The following HERPUD2 variants were observed in gnomAD, a reference collection of about 807,000 sequenced individuals.
HERPUD2 encodes the protein HERPUD family member 2, also known as homocysteine-responsive endoplasmic reticulum-resident ubiquitin-like domain member 2 protein.
Under a neutral mutation model 49.9 loss-of-function variants are expected in HERPUD2, and 13 were observed. The observed-to-expected ratio is 0.26, with a 90% CI of 0.17 to 0.41. The LOEUF (loss-of-function observed/expected upper bound fraction) is 0.41, where lower values mean the gene tolerates loss of function less well. Among genes scored for constraint, HERPUD2 ranks in the 10% least tolerant of loss-of-function variants. HERPUD2 has a pLI of 1.00. For missense variants in HERPUD2, 449 were observed against 492.2 expected, an observed-to-expected ratio of 0.91 and a Z score of 0.83; for synonymous variants, 172 against 171.4, an observed-to-expected ratio of 1.00 and a Z score of -0.03.
chr7:35,688,217 C>G (rs1786106102), intron 2 of HERPUD2, among the ~76,000 whole-genome samples: 1 of 152,164 alleles, frequency 6.6e-6, no homozygotes, highest in South Asian at 2.1e-4. Context: ...GAACACATCT[C>G]CTTCCCATTT....
chr7:35,651,516 TATAC>T (rs1785166899), intron 5 of HERPUD2, among the ~76,000 whole-genome samples: 1 of 152,054 alleles, frequency 6.6e-6, no homozygotes, highest in East Asian at 1.9e-4. Context: ...TACACTATGG[TATAC>T]ATACAGAATC....
chr7:35,678,671 C>T (rs530776846), intron 2 of HERPUD2, among the ~76,000 whole-genome samples: 12 of 152,150 alleles, frequency 7.9e-5, no homozygotes, highest in East Asian at 5.8e-4. Context: ...GCCTTCTCTA[C>T]GAGAAAAAAT....
intron 2 of HERPUD2, among the ~76,000 whole-genome samples, chr7:35,686,933 G>A (rs1349734275): frequency 1.3e-5 from 2 of 148,814 alleles, no homozygotes; most frequent in Admixed American, 6.7e-5. Context: ...GTGGGCAGGC[G>A]CCTGTAATCC....
intron 2 of HERPUD2, among the ~76,000 whole-genome samples, chr7:35,693,944 C>T (rs573859027): frequency 5.3e-5 from 8 of 152,250 alleles, no homozygotes; most frequent in Admixed American, 2.6e-4. Context: ...TCTTTGCCTG[C>T]CAATTCTTAA....
At chr7:35,643,699 G>A (rs1785003823) in intron 5 of HERPUD2, among the ~76,000 whole-genome samples, 1 of 151,068 alleles carries the variant, frequency 6.6e-6, no homozygotes, top group South Asian at 2.1e-4. Context: ...AATTATTATG[G>A]AAAGGAAGAG....
chr7:35,648,642 T>G (rs558593358), intron 5 of HERPUD2, among the ~76,000 whole-genome samples: 12 of 152,234 alleles, frequency 7.9e-5, no homozygotes, highest in Admixed American at 3.3e-4. Context: ...ATGTGACAGA[T>G]AGAAGACTTC....
Position 35,694,615 on chromosome 7 carries a change from A to T in HERPUD2, c.-285T>A. 2 of 419,682 alleles carry T rather than the reference A, an allele frequency of 4.8e-6. No individual in the cohort carries two copies. Among genetic ancestry groups the T allele is most frequent in the Non-Finnish European group, 8.9e-6 (2 of 225,110 alleles). The allele number at this position is 419,682 out of a possible 1,614,324, so 26.0% of individuals were successfully genotyped here. On this transcript the variant is annotated 5_prime_UTR_variant, in exon 2 of 9. Coordinates refer to ENST00000311350, the MANE Select transcript of HERPUD2 (RefSeq NM_022373.5). Reference sequence around the variant, plus strand: ...GCTCCGGACTGTGGAGGCCGTCGTGAGGAGAAAGGAAGCTATACGAAGGAA... The same window carrying T: ...GCTCCGGACTGTGGAGGCCGTCGTGTGGAGAAAGGAAGCTATACGAAGGAA...
intron 2 of HERPUD2, among the ~76,000 whole-genome samples, chr7:35,686,739 A>AC (rs1319157287): frequency 8.9e-6 from 1 of 112,360 alleles, no homozygotes; most frequent in East Asian, 3.2e-4. Context: ...AAAAAAAAAA[A>AC]AAAAAACCAA....
At chr7:35,648,784 G>C (rs1487403319) in intron 5 of HERPUD2, among the ~76,000 whole-genome samples, 1 of 152,144 alleles carries the variant, frequency 6.6e-6, no homozygotes, top group African/African-American at 2.4e-5. Flanking sequence ...TACAATCCAA[G>C]AAAGAGCTGC....
intron 2 of HERPUD2, among the ~76,000 whole-genome samples, chr7:35,690,796 C>T (rs1040627141): frequency 1.4e-5 from 2 of 146,268 alleles, no homozygotes; most frequent in Admixed American, 6.9e-5. Context: ...GAAACAAAAG[C>T]GAAACTCCGT....
intron 2 of HERPUD2, among the ~76,000 whole-genome samples, chr7:35,686,166 C>T (rs1053358553): frequency 6.6e-6 from 1 of 151,580 alleles, no homozygotes; most frequent in Non-Finnish European, 1.5e-5. Context: ...TCCAGCCCTG[C>T]TAATATCATT....
At chr7:35,633,948 G>C in intron 8 of HERPUD2, 97 bp from the exon 9 acceptor site, 1 of 1,259,776 alleles carries the variant, frequency 7.9e-7, no homozygotes, top group East Asian at 2.4e-5. Context: ...AAAGGACTAT[G>C]AAGTGGTATG....
intron 8 of HERPUD2, among the ~76,000 whole-genome samples, 174 bp downstream of exon 8, chr7:35,634,138 G>A (rs1784832039): frequency 1.3e-5 from 2 of 152,148 alleles, no homozygotes. Flanking sequence ...GACTGATTCA[G>A]TATAATATTC....
chr7:35,634,183 T>C (rs1784832823), intron 8 of HERPUD2, 129 bp downstream of exon 8: 2 of 653,668 alleles, frequency 3.1e-6, no homozygotes, highest in Non-Finnish European at 5.5e-6. Context: ...ACAATTTATA[T>C]GTTAGTTTTC....
intron 5 of HERPUD2, among the ~76,000 whole-genome samples, chr7:35,650,309 G>T (rs1048657071): frequency 6.6e-6 from 1 of 152,162 alleles, no homozygotes; most frequent in Non-Finnish European, 1.5e-5. Flanking sequence ...AGGCTCCCCA[G>T]TGCAGGGAAA....
chr7:35,674,771 C>CA (rs889407284), intron 2 of HERPUD2, among the ~76,000 whole-genome samples: 1 of 151,752 alleles, frequency 6.6e-6, no homozygotes, highest in African/African-American at 2.4e-5. Flanking sequence ...CCATAAAACC[C>CA]AAAAGGACTG....
chr7:35,672,921 A>G (rs1237132915), intron 3 of HERPUD2, among the ~76,000 whole-genome samples: 2 of 152,102 alleles, frequency 1.3e-5, no homozygotes, highest in Non-Finnish European at 2.9e-5. Context: ...CTACTTCTAC[A>G]CTACTGACGT....
intron 2 of HERPUD2, among the ~76,000 whole-genome samples, chr7:35,686,840 C>G (rs1318021468): frequency 1.8e-4 from 9 of 49,138 alleles, no homozygotes; most frequent in Admixed American, 9.8e-4. Context: ...TGGGGGGGGG[C>G]GCGAGTCACG....
intron 5 of HERPUD2, among the ~76,000 whole-genome samples, chr7:35,651,689 T>C (rs73094473): frequency 0.13 from 19,468 of 151,564 alleles, 1,505 homozygotes; most frequent in East Asian, 0.25. Flanking sequence ...CAAGGAAATA[T>C]GACACTTCCA....
Sources: gnomAD v4.1 joint callset for allele counts (sites outside exome capture counted in the v4.1 genomes callset) on GRCh38, gnomAD v4.1.1 for gene constraint, MANE v1.5 for transcripts, NCBI Gene and HGNC (gene_info 2026-07-23, HGNC 2026-07-21) for gene names.